SMARCC1: variants seen among roughly 807,000 people sequenced by gnomAD.
The protein encoded by SMARCC1 is SWI/SNF related BAF chromatin remodeling complex subunit C1, also known as SWI/SNF complex subunit SMARCC1.
A neutral mutation model predicts 147.4 loss-of-function variants in SMARCC1; 43 were observed. That is an observed-to-expected ratio of 0.29 (90% CI 0.23 to 0.38). The LOEUF is 0.38. SMARCC1 is among the 10% of genes least tolerant of loss of function. The pLI is 1.00. For missense variants in SMARCC1, 1,119 were observed against 1,381.1 expected (o/e 0.81, Z 3.01); for synonymous variants, 495 against 484.4 (o/e 1.02, Z -0.29).
chr3:47,627,878 C>A (rs775425441), intron 24 of SMARCC1, among the ~76,000 whole-genome samples: 5 of 152,010 alleles, frequency 3.3e-5, no homozygotes, highest in Admixed American at 1.3e-4. Flanking sequence ...TACACCACCA[C>A]GCCTGGCCAA....
At chr3:47,684,672 A>C (rs1374677824) in intron 14 of SMARCC1, among the ~76,000 whole-genome samples, 1 of 151,896 alleles carries the variant, frequency 6.6e-6, no homozygotes, top group African/African-American at 2.4e-5. Context: ...TGAACTGCTG[A>C]CCTCAGGTGA....
At chr3:47,742,364 A>G (rs560559156) in intron 3 of SMARCC1, among the ~76,000 whole-genome samples, 1 of 152,072 alleles carries the variant, frequency 6.6e-6, no homozygotes, top group Non-Finnish European at 1.5e-5. Flanking sequence ...CTAACAGTCA[A>G]CTCTCTATTA....
chr3:47,620,191 G>A (rs927085283), intron 25 of SMARCC1, among the ~76,000 whole-genome samples: 4 of 152,122 alleles, frequency 2.6e-5, no homozygotes, highest in Admixed American at 6.5e-5. Context: ...GGCCAGGTGC[G>A]GTGGCTCACG....
At chr3:47,722,049 G>T (rs1002710130) in intron 6 of SMARCC1, among the ~76,000 whole-genome samples, 1 of 151,802 alleles carries the variant, frequency 6.6e-6, no homozygotes, top group Non-Finnish European at 1.5e-5. Flanking sequence ...ACAGAATCAG[G>T]CCCTGTTCCC....
chr3:47,781,531 G>A lies in SMARCC1; in HGVS notation c.195+72C>T, dbSNP rs549306686. ...GTGCGGGGGGGAGGGGCGGCCCGAG[G>A]CCCGCGAGGCCAGCTGCCGCCTCCG... On this transcript the variant is annotated intron_variant, in intron 1 of 27. Transcript: ENST00000254480. 9,173 of 1,143,576 alleles carry A rather than the reference G, an allele frequency of 8.0e-3. 89 individuals carry two copies. Among genetic ancestry groups the A allele is most frequent in the Non-Finnish European group, 7.9e-3 (6,742 of 853,510 alleles). The allele number at this position is 1,143,576 out of a possible 1,614,324, so 70.8% of individuals were successfully genotyped here.
intron 24 of SMARCC1, among the ~76,000 whole-genome samples, chr3:47,634,187 G>T (rs1291600463): frequency 6.6e-6 from 1 of 152,084 alleles, no homozygotes; most frequent in African/African-American, 2.4e-5. Context: ...TTAGGAAAAG[G>T]GCAGGTAGTA....
chr3:47,759,065 T>G (rs1408755149), intron 2 of SMARCC1, among the ~76,000 whole-genome samples: 1 of 151,230 alleles, frequency 6.6e-6, no homozygotes, highest in Non-Finnish European at 1.5e-5. Flanking sequence ...CAGGCCATAG[T>G]GCAGAGGTGC....
chr3:47,588,409 G>T, intron 27 of SMARCC1, 103 bp from the exon 28 acceptor site: 1 of 1,045,930 alleles, frequency 9.6e-7, no homozygotes, highest in Non-Finnish European at 1.4e-6. Flanking sequence ...TTCCTTAGTG[G>T]CAGGCAACCA....
intron 6 of SMARCC1, among the ~76,000 whole-genome samples, chr3:47,728,644 C>T (rs571629160): frequency 1.3e-5 from 2 of 152,242 alleles, no homozygotes; most frequent in East Asian, 3.9e-4. Flanking sequence ...CAGTGGCTCA[C>T]ACCTGTAAAC....
chr3:47,717,741 A>AT (rs1185391965), intron 7 of SMARCC1, among the ~76,000 whole-genome samples: 1 of 151,714 alleles, frequency 6.6e-6, no homozygotes, highest in Non-Finnish European at 1.5e-5. Context: ...TAATTTTTGT[A>AT]TTTTTTGTAG....
rs2032078951 is a variant in SMARCC1, at chr3:47,586,876, T to C, written c.*1333A>G. 6.6e-6 allele frequency: 1 copy of C among 152,468 alleles called. No homozygotes were observed. The highest frequency in any genetic ancestry group is 2.1e-4 in the South Asian group (1 of 4,818). The allele number at this position is 152,468 out of a possible 1,614,324, so 9.4% of individuals were successfully genotyped here. On this transcript the variant is annotated 3_prime_UTR_variant, in exon 28 of 28. Transcript: ENST00000254480. ...CAAGTCACTTATCAGCAGGGGTAAA[T>C]ACGAGCTCAAATTAAGGCATTTTTG...
At chr3:47,622,075 C>T (rs2032741816) in intron 25 of SMARCC1, 132 bp downstream of exon 25, 1 of 803,282 alleles carries the variant, frequency 1.2e-6, no homozygotes, top group South Asian at 1.6e-5. Context: ...GCAAATCAAA[C>T]ACAGAAAAAA....
At chr3:47,664,270 T>G (rs1030438787) in intron 19 of SMARCC1, among the ~76,000 whole-genome samples, 1 of 151,066 alleles carries the variant, frequency 6.6e-6, no homozygotes, top group African/African-American at 2.4e-5. Context: ...AGCAACAGAC[T>G]AGAATGAGTA....
At chr3:47,600,740 G>A (rs1019084315) in intron 26 of SMARCC1, among the ~76,000 whole-genome samples, 2 of 151,980 alleles carry the variant, frequency 1.3e-5, no homozygotes, top group Admixed American at 6.6e-5. Context: ...AATCAATTTC[G>A]CACAAAGCAA....
At chr3:47,688,563 T>C (rs2033757306) in intron 13 of SMARCC1, among the ~76,000 whole-genome samples, 1 of 152,142 alleles carries the variant, frequency 6.6e-6, no homozygotes, top group Non-Finnish European at 1.5e-5. Context: ...CAAGACGCCG[T>C]TTATTTTTAA....
chr3:47,609,030 G>A (rs1473618866), intron 26 of SMARCC1, among the ~76,000 whole-genome samples: 1 of 151,740 alleles, frequency 6.6e-6, no homozygotes, highest in African/African-American at 2.4e-5. Context: ...ACACATAAAT[G>A]GCACAAAAAA....
chr3:47,767,552 T>TTA (rs1243407425), intron 2 of SMARCC1, among the ~76,000 whole-genome samples: 7 of 139,100 alleles, frequency 5.0e-5, no homozygotes, highest in Non-Finnish European at 1.1e-4. Flanking sequence ...CCACTCTGAT[T>TTA]TAAAAAAAAA....
chr3:47,651,466 G>A (rs2033189963), intron 21 of SMARCC1, among the ~76,000 whole-genome samples: 3 of 151,972 alleles, frequency 2.0e-5, no homozygotes, highest in African/African-American at 2.4e-5. Flanking sequence ...AACTTTACAT[G>A]AGCCTCCTTG....
In SMARCC1 at chr3:47,593,113, C is replaced by T. The variant is rs183842849; in HGVS notation, c.3044-2276G>A. Among the ~76,000 whole-genome samples the T allele has an allele frequency of 4.0e-3, 604 of 152,014 alleles. 5 individuals carry two copies. The highest frequency in any genetic ancestry group is 0.013 in the African/African-American group (547 of 41,434). On this transcript the variant is annotated intron_variant, in intron 26 of 27. Coordinates refer to ENST00000254480, the MANE Select transcript of SMARCC1 (RefSeq NM_003074.4). ...AAGTGCTGGGTTTGCAGGTGTGAGCCACCGCACCTGGCCGTAGTCTTGGTT... is the reference window on the plus strand; with the variant it reads ...AAGTGCTGGGTTTGCAGGTGTGAGCTACCGCACCTGGCCGTAGTCTTGGTT...
Sources: gnomAD v4.1 joint callset for allele counts (sites outside exome capture counted in the v4.1 genomes callset) on GRCh38, gnomAD v4.1.1 for gene constraint, MANE v1.5 for transcripts, NCBI Gene and HGNC (gene_info 2026-07-23, HGNC 2026-07-21) for gene names.